The following HHAT variants were observed in gnomAD, a reference collection of about 807,000 sequenced individuals.
HHAT encodes the protein hedgehog acyltransferase.
HHAT carries 47 observed loss-of-function variants against 70.8 expected under a neutral mutation model. That is an observed-to-expected ratio of 0.66 (90% confidence interval 0.53 to 0.85). The LOEUF (loss-of-function observed/expected upper bound fraction) is 0.85, where lower values mean the gene tolerates loss of function less well. Among genes scored for constraint, HHAT ranks in the 40% least tolerant of loss-of-function variants. HHAT has a pLI of 0.00. For missense variants in HHAT, 609 were observed against 604.8 expected, an observed-to-expected ratio of 1.01 and a Z score of -0.07; for synonymous variants, 228 against 247.6, an observed-to-expected ratio of 0.92 and a Z score of 0.74.
intron 9 of HHAT, among the ~76,000 whole-genome samples, chr1:210,527,174 T>A (rs1046284084): frequency 8.5e-5 from 13 of 152,160 alleles, no homozygotes; most frequent in Non-Finnish European, 1.6e-4. Context: ...ATGAAGAGGC[T>A]CCTTCATTCT....
At chr1:210,332,497 A>G (rs908955635) in intron 1 of HHAT, among the ~76,000 whole-genome samples, 1 of 152,214 alleles carries the variant, frequency 6.6e-6, no homozygotes, top group African/African-American at 2.4e-5. Flanking sequence ...CTGCTATTTC[A>G]ATTCGCCTAG....
intron 3 of HHAT, among the ~76,000 whole-genome samples, chr1:210,382,001 T>C (rs73071959): frequency 0.019 from 2,863 of 152,288 alleles, 84 homozygotes; most frequent in African/African-American, 0.066. Flanking sequence ...TTCTGGGGAA[T>C]GCAAGAGAAA....
At chr1:210,506,094 A>G (rs2094848904) in intron 8 of HHAT, among the ~76,000 whole-genome samples, 1 of 152,176 alleles carries the variant, frequency 6.6e-6, no homozygotes. Flanking sequence ...TAGGTGATAT[A>G]CAAACCTCTG....
intron 9 of HHAT, among the ~76,000 whole-genome samples, chr1:210,538,226 T>G (rs1209662119): frequency 1.3e-5 from 2 of 152,146 alleles, no homozygotes; most frequent in African/African-American, 4.8e-5. Context: ...TAGATAGCAG[T>G]TGTTGATAAA....
chr1:210,484,614 G>A (rs1333578138), intron 8 of HHAT, among the ~76,000 whole-genome samples: 1 of 151,058 alleles, frequency 6.6e-6, no homozygotes, highest in East Asian at 2.0e-4. Flanking sequence ...GATTATTTTT[G>A]CCTGAGCCAG....
At chr1:210,502,970 A>AT (rs1491215094) in intron 8 of HHAT, among the ~76,000 whole-genome samples, 5 of 124,006 alleles carry the variant, frequency 4.0e-5, no homozygotes, top group African/African-American at 1.5e-4. Context: ...TATACTGAAG[A>AT]TATTTTTTTT....
chr1:210,509,475 G>T (rs1240699544), intron 8 of HHAT, among the ~76,000 whole-genome samples: 1 of 152,170 alleles, frequency 6.6e-6, no homozygotes, highest in Admixed American at 6.5e-5. Flanking sequence ...GGCTAATGGA[G>T]ACTGTCTGGG....
intron 9 of HHAT, among the ~76,000 whole-genome samples, chr1:210,584,582 C>T (rs546829282): frequency 6.6e-6 from 1 of 152,114 alleles, no homozygotes; most frequent in Non-Finnish European, 1.5e-5. Context: ...GACTACTGTG[C>T]CCTGGGCTGT....
chr1:210,570,586 G>A (rs1656031666), intron 9 of HHAT, among the ~76,000 whole-genome samples: 1 of 152,188 alleles, frequency 6.6e-6, no homozygotes, highest in Non-Finnish European at 1.5e-5. Context: ...CACCACCCAG[G>A]AGTGCGTGTG....
intron 9 of HHAT, among the ~76,000 whole-genome samples, chr1:210,528,734 T>G (rs1394487930): frequency 6.6e-6 from 1 of 152,168 alleles, no homozygotes; most frequent in Non-Finnish European, 1.5e-5. Flanking sequence ...TTATATTAAT[T>G]AGGGTAGATT....
chr1:210,463,905 G>C (rs2094036642), intron 7 of HHAT, among the ~76,000 whole-genome samples: 1 of 152,156 alleles, frequency 6.6e-6, no homozygotes. Flanking sequence ...TGGGTGCATA[G>C]TAGATGTGTA....
intron 6 of HHAT, among the ~76,000 whole-genome samples, chr1:210,411,615 C>T (rs186423821): frequency 1.2e-3 from 185 of 152,116 alleles, no homozygotes; most frequent in African/African-American, 4.0e-3. Flanking sequence ...ATCAGCCAGG[C>T]GTGGTGGTAC....
chr1:210,334,005 G>T (rs574996367), intron 1 of HHAT, among the ~76,000 whole-genome samples: 4 of 151,848 alleles, frequency 2.6e-5, no homozygotes, highest in Non-Finnish European at 5.9e-5. Flanking sequence ...ATAATCCAAT[G>T]AAATGCTAAT....
chr1:210,590,480 C>T (rs1417661558), intron 10 of HHAT: 1 of 122,352 alleles, frequency 8.2e-6, no homozygotes, highest in Admixed American at 1.1e-4. Flanking sequence ...CAGAATTAGA[C>T]CATGTGATTT....
chr1:210,631,210 C>G (rs1670799081), intron 11 of HHAT: 1 of 430,618 alleles, frequency 2.3e-6, no homozygotes. Context: ...CCAAATTCTA[C>G]TCTTCTCTCT....
chr1:210,560,814 TAAAAAAAAAAA>T (rs60192211), intron 9 of HHAT, among the ~76,000 whole-genome samples: 95 of 28,502 alleles, frequency 3.3e-3, no homozygotes, highest in African/African-American at 5.8e-3. Context: ...CCCTGTGTCT[TAAAAAAAAAAA>T]AAAAAAAAAA....
At chr1:210,655,651 G>A (rs185927121) in intron 11 of HHAT, among the ~76,000 whole-genome samples, 2 of 152,314 alleles carry the variant, frequency 1.3e-5, no homozygotes, top group East Asian at 1.9e-4. Context: ...GCACAAAAAC[G>A]TCTTTCTCTG....
chr1:210,544,892 G>T (rs1052340550), intron 9 of HHAT, among the ~76,000 whole-genome samples: 1 of 151,738 alleles, frequency 6.6e-6, no homozygotes, highest in Non-Finnish European at 1.5e-5. Flanking sequence ...TACCTCCTTC[G>T]TCCTCACCCC....
chr1:210,588,368 C>A (rs1420152934), intron 10 of HHAT: 7 of 359,014 alleles, frequency 1.9e-5, no homozygotes, highest in African/African-American at 8.1e-5. Flanking sequence ...AATAACCTCT[C>A]AACAGAAACC....
Sources: allele counts gnomAD v4.1 joint callset (sites outside exome capture counted in the v4.1 genomes callset), GRCh38; gene constraint gnomAD v4.1.1; transcripts MANE v1.5; gene names NCBI Gene and HGNC (gene_info 2026-07-23, HGNC 2026-07-21).